ZNF536: variants seen among roughly 807,000 people sequenced by gnomAD.
ZNF536 encodes the protein zinc finger protein 536.
In ZNF536, 13 loss-of-function variants were observed where a neutral mutation model predicts 84.5. The observed-to-expected ratio is 0.15, with a 90% CI of 0.10 to 0.24. The LOEUF is 0.24. ZNF536 is among the 10% of genes least tolerant of loss of function. The pLI is 1.00. For synonymous variants in ZNF536, 811 were observed against 742.5 expected (o/e 1.09, Z -1.50); for missense variants, 1,536 against 1,747.5 (o/e 0.88, Z 2.16).
intron 3 of ZNF536, among the ~76,000 whole-genome samples, chr19:30,536,559 C>T (rs1485200872): frequency 6.6e-6 from 1 of 152,164 alleles, no homozygotes; most frequent in Non-Finnish European, 1.5e-5. Context: ...TCTGCAAGGG[C>T]ACTTTACACC....
chr19:30,251,582 TA>T (rs2024614125), intron 1 of ZNF536, among the ~76,000 whole-genome samples: 1 of 152,202 alleles, frequency 6.6e-6, no homozygotes, highest in Admixed American at 6.5e-5. Context: ...TCTACTTCTT[TA>T]AAAAATTTTA....
chr19:30,478,690 A>G (rs140739239), intron 2 of ZNF536, among the ~76,000 whole-genome samples: 132 of 152,292 alleles, frequency 8.7e-4, no homozygotes, highest in African/African-American at 2.9e-3. Context: ...TCTCTTTTTA[A>G]TATTGCCCTG....
chr19:30,633,264 T>C (rs1248551356), intron 1 of ZNF536, among the ~76,000 whole-genome samples: 1 of 152,224 alleles, frequency 6.6e-6, no homozygotes, highest in Non-Finnish European at 1.5e-5. Flanking sequence ...TATTCAATTG[T>C]ATTTATTCTT....
intron 1 of ZNF536, among the ~76,000 whole-genome samples, chr19:30,251,879 A>C (rs1052589969): frequency 6.6e-6 from 1 of 152,190 alleles, no homozygotes; most frequent in African/African-American, 2.4e-5. Flanking sequence ...AATAGTCTTC[A>C]ATCCCATCCA....
intron 1 of ZNF536, among the ~76,000 whole-genome samples, chr19:30,656,962 G>A (rs1392785380): frequency 2.6e-5 from 4 of 152,256 alleles, no homozygotes; most frequent in Admixed American, 1.3e-4. Context: ...GCCTCCTCCC[G>A]GAGTTAATTC....
At chr19:30,506,598 T>C (rs1005706308) in intron 2 of ZNF536, among the ~76,000 whole-genome samples, 13 of 152,320 alleles carry the variant, frequency 8.5e-5, no homozygotes, top group African/African-American at 3.1e-4. Flanking sequence ...ACTGTGGACA[T>C]TGGCAGATCT....
chr19:30,370,441 A>G (rs762969416), upstream of ZNF536, among the ~76,000 whole-genome samples: 2 of 152,222 alleles, frequency 1.3e-5, no homozygotes, highest in Non-Finnish European at 2.9e-5. Flanking sequence ...ACTTGAGCCA[A>G]CAACCTCCCC....
chr19:30,436,267 T>A (rs1395038632), intron 1 of ZNF536, among the ~76,000 whole-genome samples: 2 of 152,238 alleles, frequency 1.3e-5, no homozygotes, highest in Non-Finnish European at 2.9e-5. Context: ...TGTTCATAAA[T>A]TCAGCAAGGA....
chr19:30,273,408 A>G (rs937356959), intron 1 of ZNF536, among the ~76,000 whole-genome samples: 9 of 152,286 alleles, frequency 5.9e-5, no homozygotes, highest in African/African-American at 2.2e-4. Flanking sequence ...TGATGTTGTC[A>G]GTGTTTTGAA....
At chr19:30,282,108 C>T (rs765109592) in intron 1 of ZNF536, among the ~76,000 whole-genome samples, 2 of 152,210 alleles carry the variant, frequency 1.3e-5, no homozygotes, top group Non-Finnish European at 1.5e-5. Flanking sequence ...CACCTTTCCC[C>T]GACCCGCAGT....
At chr19:30,679,855 G>A (rs1197742305) in intron 1 of ZNF536, among the ~76,000 whole-genome samples, 2 of 152,202 alleles carry the variant, frequency 1.3e-5, no homozygotes, top group African/African-American at 2.4e-5. Context: ...GGGAGAGGGG[G>A]GTCAGCTCTG....
At chr19:30,639,390 C>T (rs539275177) in intron 1 of ZNF536, among the ~76,000 whole-genome samples, 3 of 152,290 alleles carry the variant, frequency 2.0e-5, no homozygotes, top group African/African-American at 4.8e-5. Flanking sequence ...GGACATTTTA[C>T]GTGTCTTTTT....
At chr19:30,594,563 T>C (rs149288246) in intron 1 of ZNF536, among the ~76,000 whole-genome samples, 45 of 152,262 alleles carry the variant, frequency 3.0e-4, no homozygotes, top group African/African-American at 1.0e-3. Context: ...ACATTGACTA[T>C]GATGGATTAA....
intron 2 of ZNF536, among the ~76,000 whole-genome samples, chr19:30,500,897 G>A (rs1263551718): frequency 2.0e-5 from 3 of 152,178 alleles, no homozygotes; most frequent in Non-Finnish European, 4.4e-5. Flanking sequence ...TGCTTTCTTC[G>A]TCAGTACAAT....
At chr19:30,476,365 C>T (rs2053846899) in intron 2 of ZNF536, among the ~76,000 whole-genome samples, 1 of 152,144 alleles carries the variant, frequency 6.6e-6, no homozygotes, top group African/African-American at 2.4e-5. Context: ...CCTGGTCTTC[C>T]TTTTAGGAGT....
rs538312100 is a variant in ZNF536 at position 30,453,139 on chromosome 19, G to A, written c.2170+7407G>A. Reference sequence around the variant, plus strand: ...GAGTCTGGCACTGCCGCAGCCAGGCGCCATCTGGAAAGCCCTTTTCAGAAA... The same window carrying A: ...GAGTCTGGCACTGCCGCAGCCAGGCACCATCTGGAAAGCCCTTTTCAGAAA... On this transcript the variant is annotated intron_variant, in intron 2 of 4. Transcript: ENST00000355537. Among the ~76,000 whole-genome samples the A allele has an allele frequency of 7.9e-5, 12 of 152,228 alleles. 1 individual carries two copies. In the South Asian group the frequency reaches 1.9e-3, roughly 24 times the overall value.
chr19:30,708,808 T>C (rs1350919686), intron 1 of ZNF536, among the ~76,000 whole-genome samples: 1 of 152,228 alleles, frequency 6.6e-6, no homozygotes, highest in African/African-American at 2.4e-5. Flanking sequence ...TGCATTGGAT[T>C]CCTGTTTCTC....
intron 1 of ZNF536, among the ~76,000 whole-genome samples, chr19:30,229,424 T>C (rs2022844923): frequency 1.3e-5 from 2 of 152,212 alleles, no homozygotes; most frequent in South Asian, 4.1e-4. Context: ...ATATGTAATA[T>C]TATTATAATG....
At chr19:30,248,220 C>CTTT (rs1453251531) in intron 1 of ZNF536, among the ~76,000 whole-genome samples, 8 of 135,026 alleles carry the variant, frequency 5.9e-5, no homozygotes, top group East Asian at 2.5e-4. Flanking sequence ...TTTTTCTTTT[C>CTTT]TTTCTTTTTT....
Sources: gnomAD v4.1 joint callset for allele counts (sites outside exome capture counted in the v4.1 genomes callset) on GRCh38, gnomAD v4.1.1 for gene constraint, MANE v1.5 for transcripts, NCBI Gene and HGNC (gene_info 2026-07-23, HGNC 2026-07-21) for gene names.